The following TRHDE variants were observed in gnomAD, a reference collection of about 807,000 sequenced individuals.
TRHDE encodes thyrotropin releasing hormone degrading enzyme.
TRHDE carries 72 observed loss-of-function variants against 125.7 expected under a neutral mutation model. That is an observed-to-expected ratio of 0.57 (90% CI 0.47 to 0.70). TRHDE has a LOEUF of 0.70. Among genes scored for constraint, TRHDE ranks in the 30% least tolerant of loss-of-function variants. The probability of loss-of-function intolerance (pLI) is 0.00; values close to 1 mark genes in which losing one functional copy is unlikely to be tolerated. For synonymous variants in TRHDE, 509 were observed against 509.1 expected (o/e 1.00, Z 0.00); for missense variants, 1,110 against 1,327.1 (o/e 0.84, Z 2.54).
At chr12:72,313,167 TC>T (rs1448242513) in intron 2 of TRHDE, among the ~76,000 whole-genome samples, 2 of 152,154 alleles carry the variant, frequency 1.3e-5, no homozygotes, top group Non-Finnish European at 2.9e-5. Flanking sequence ...TTTACTGTTT[TC>T]CTAAAACTAA....
chr12:72,360,714 T>C (rs1292096935), intron 2 of TRHDE, among the ~76,000 whole-genome samples: 1 of 151,802 alleles, frequency 6.6e-6, no homozygotes. Flanking sequence ...AAATATATTG[T>C]ACAGTTGATT....
chr12:72,444,114 T>C (rs1875156214), intron 3 of TRHDE, among the ~76,000 whole-genome samples: 2 of 151,908 alleles, frequency 1.3e-5, no homozygotes, highest in East Asian at 1.9e-4. Context: ...CATTGTTTCT[T>C]TATAGGCAAA....
intron 6 of TRHDE, among the ~76,000 whole-genome samples, chr12:72,526,021 A>G (rs1868329662): frequency 6.6e-6 from 1 of 152,088 alleles, no homozygotes; most frequent in Admixed American, 6.6e-5. Context: ...ACTTTTGTAC[A>G]TTTGAAAATT....
chr12:72,395,920 T>A lies in TRHDE; in HGVS notation c.1315+17799T>A, dbSNP rs931494248. Reference sequence around the variant, plus strand: ...TTAGCCAATGACCTGGATATTTATTTCATTTTTTTTTTGTTTTACAAAAGC... The same window carrying A: ...TTAGCCAATGACCTGGATATTTATTACATTTTTTTTTTGTTTTACAAAAGC... On this transcript the variant is annotated intron_variant, in intron 3 of 18. Coordinates refer to ENST00000261180, the MANE Select transcript of TRHDE (RefSeq NM_013381.3). Among the ~76,000 whole-genome samples, 6 of 152,010 alleles carry A rather than the reference T, an allele frequency of 3.9e-5. No individual in the cohort carries two copies. The East Asian group carries it at 1.2e-3, about 29-fold the overall frequency.
chr12:72,240,322 T>G (rs1038728721), intron 2 of TRHDE, among the ~76,000 whole-genome samples: 25 of 148,038 alleles, frequency 1.7e-4, no homozygotes, highest in Admixed American at 1.0e-3. Flanking sequence ...TATATATATA[T>G]ATATATTTGT....
chr12:72,436,352 C>T (rs1457645299), intron 3 of TRHDE, among the ~76,000 whole-genome samples: 1 of 151,662 alleles, frequency 6.6e-6, no homozygotes, highest in Non-Finnish European at 1.5e-5. Context: ...GATAGTATAC[C>T]AGCTTGTTTA....
chr12:72,292,033 C>T (rs1307135556), intron 2 of TRHDE, among the ~76,000 whole-genome samples: 3 of 152,202 alleles, frequency 2.0e-5, no homozygotes, highest in Non-Finnish European at 2.9e-5. Flanking sequence ...AAGTTATATC[C>T]ACTCCATTAG....
chr12:72,566,237 CTA>C (rs1870435169), intron 9 of TRHDE, among the ~76,000 whole-genome samples: 1 of 151,904 alleles, frequency 6.6e-6, no homozygotes, highest in African/African-American at 2.4e-5. Context: ...GTCTTTGTTA[CTA>C]TATGTAGATT....
chr12:72,544,784 A>G (rs949423821), intron 7 of TRHDE, among the ~76,000 whole-genome samples: 3 of 151,500 alleles, frequency 2.0e-5, no homozygotes, highest in East Asian at 1.9e-4. Context: ...GTGTGTGTGT[A>G]TATGTATATG....
chr12:72,593,578 C>A (rs1274165173), intron 12 of TRHDE, among the ~76,000 whole-genome samples: 1 of 151,940 alleles, frequency 6.6e-6, no homozygotes, highest in Non-Finnish European at 1.5e-5. Flanking sequence ...AGGTTTGTTA[C>A]ATATGTATAC....
intron 1 of TRHDE, among the ~76,000 whole-genome samples, chr12:72,092,458 A>T (rs925874035): frequency 2.0e-5 from 3 of 152,230 alleles, no homozygotes; most frequent in African/African-American, 4.8e-5. Context: ...AAACAGTACA[A>T]TCAGGATCTA....
chr12:72,368,037 G>T (rs918960591), intron 2 of TRHDE, among the ~76,000 whole-genome samples: 9 of 152,102 alleles, frequency 5.9e-5, no homozygotes, highest in African/African-American at 2.2e-4. Flanking sequence ...TTTCTTGGCT[G>T]TGTGGTATAA....
At chr12:72,304,108 T>C (rs1868304005) in intron 2 of TRHDE, among the ~76,000 whole-genome samples, 1 of 152,170 alleles carries the variant, frequency 6.6e-6, no homozygotes, top group Non-Finnish European at 1.5e-5. Context: ...AGCTTCTATC[T>C]GGTTCTACAG....
At chr12:72,577,624 A>G (rs2136030687) in intron 12 of TRHDE, among the ~76,000 whole-genome samples, 1 of 152,346 alleles carries the variant, frequency 6.6e-6, no homozygotes, top group East Asian at 1.9e-4. Context: ...CTAATGACAG[A>G]GGCCAGATGG....
At chr12:72,168,097 C>T (rs1219203836) in intron 2 of TRHDE, among the ~76,000 whole-genome samples, 1 of 152,108 alleles carries the variant, frequency 6.6e-6, no homozygotes, top group Non-Finnish European at 1.5e-5. Context: ...AACTGCCAGT[C>T]TATAACTGAA....
At chr12:72,453,323 A>C (rs111564461) in intron 3 of TRHDE, among the ~76,000 whole-genome samples, 15 of 152,294 alleles carry the variant, frequency 9.8e-5, no homozygotes, top group African/African-American at 3.4e-4. Context: ...GGATATGTGG[A>C]AGTTTGAACT....
chr12:72,475,665 A>T (rs1245650718), intron 5 of TRHDE, among the ~76,000 whole-genome samples: 1 of 152,194 alleles, frequency 6.6e-6, no homozygotes, highest in Non-Finnish European at 1.5e-5. Context: ...GACAACTGAG[A>T]CTTTGTTCTT....
intron 15 of TRHDE, among the ~76,000 whole-genome samples, chr12:72,623,929 A>C (rs965382454): frequency 6.6e-6 from 1 of 152,084 alleles, no homozygotes; most frequent in African/African-American, 2.4e-5. Context: ...ATTTGGGCCA[A>C]ACAAGATTCT....
rs543028463 is a variant in TRHDE, at chr12:72,164,529, A to G, written n.279+58777A>G. Reference sequence around the variant, plus strand: ...TGAACAGAACTACCTTACTTACAGAAATGATCCTGTGGTGGCAGGCTGGAC... The same window carrying G: ...TGAACAGAACTACCTTACTTACAGAGATGATCCTGTGGTGGCAGGCTGGAC... On this transcript the variant is annotated intron_variant and non_coding_transcript_variant, in intron 2 of 4. Transcript: ENST00000548156. Among the ~76,000 whole-genome samples the G allele has an allele frequency of 2.6e-5, 4 of 152,260 alleles. No individual in the cohort carries two copies. The East Asian group carries it at 7.7e-4, about 29-fold the overall frequency.
Sources: gnomAD v4.1 joint callset for allele counts (sites outside exome capture counted in the v4.1 genomes callset) on GRCh38, gnomAD v4.1.1 for gene constraint, MANE v1.5 for transcripts, NCBI Gene and HGNC (gene_info 2026-07-23, HGNC 2026-07-21) for gene names.